The following MYLK variants were observed in gnomAD, a reference collection of about 807,000 sequenced individuals.
The protein encoded by MYLK is myosin light chain kinase.
In MYLK, 106 loss-of-function variants were observed where a neutral mutation model predicts 203.4. The ratio of observed to expected loss-of-function variants is 0.52; its 90% CI spans 0.45 to 0.61. MYLK has a LOEUF of 0.61. Among genes scored for constraint, MYLK ranks in the 20% least tolerant of loss-of-function variants. The pLI, the probability that MYLK is intolerant of heterozygous loss-of-function variation, is 0.00. For missense variants in MYLK, 2,072 were observed against 2,442.3 expected (o/e 0.85, Z 3.20); for synonymous variants, 867 against 959.5 (o/e 0.90, Z 1.78).
chr3:123,849,925 G>A (rs1017616513), intron 2 of MYLK, among the ~76,000 whole-genome samples: 1 of 152,126 alleles, frequency 6.6e-6, no homozygotes, highest in Non-Finnish European at 1.5e-5. Flanking sequence ...CCCAGTGTGT[G>A]ATGTTCCCCT....
intron 15 of MYLK, among the ~76,000 whole-genome samples, chr3:123,708,316 C>T (rs1395724467): frequency 6.6e-6 from 1 of 152,230 alleles, no homozygotes; most frequent in East Asian, 1.9e-4. Context: ...TTGTCACTCA[C>T]TTTATGTGTG....
intron 3 of MYLK, among the ~76,000 whole-genome samples, chr3:123,795,616 C>G (rs2064957839): frequency 6.6e-6 from 1 of 152,158 alleles, no homozygotes; most frequent in South Asian, 2.1e-4. Flanking sequence ...GGACTCCAGT[C>G]AAGGCCATTG....
At chr3:123,732,232 T>C (rs1290790125) in intron 11 of MYLK, among the ~76,000 whole-genome samples, 1 of 152,060 alleles carries the variant, frequency 6.6e-6, no homozygotes, top group Non-Finnish European at 1.5e-5. Flanking sequence ...TAGTGAAAAA[T>C]GGAAACAATT....
intron 9 of MYLK, chr3:123,735,083 C>T (rs1644589168): frequency 2.5e-6 from 1 of 401,098 alleles, no homozygotes; most frequent in South Asian, 2.2e-5. Flanking sequence ...AGATTCCGCC[C>T]TGGAATGAGG....
chr3:123,861,157 A>AAAAC (rs1560298465), intron 2 of MYLK, among the ~76,000 whole-genome samples: 19 of 151,706 alleles, frequency 1.3e-4, no homozygotes, highest in African/African-American at 4.1e-4. Context: ...CAAAAAAAAA[A>AAAAC]AACTGATTGG....
intron 30 of MYLK, among the ~76,000 whole-genome samples, chr3:123,627,483 T>C (rs1576354175): frequency 1.3e-5 from 2 of 152,378 alleles, no homozygotes; most frequent in South Asian, 2.1e-4. Flanking sequence ...CTATGAATTA[T>C]GACTACTTTA....
At chr3:123,792,508 T>A (rs773301488) in intron 4 of MYLK, among the ~76,000 whole-genome samples, 11 of 152,190 alleles carry the variant, frequency 7.2e-5, no homozygotes, top group Non-Finnish European at 1.3e-4. Context: ...ATATTCCTAT[T>A]CTGGACATTT....
At chr3:123,831,404 G>C (rs2066323053) in intron 3 of MYLK, 144 bp downstream of exon 3, 1 of 1,289,380 alleles carries the variant, frequency 7.8e-7, no homozygotes, top group South Asian at 1.2e-5. Flanking sequence ...ACCTGCTTGG[G>C]CAGCTGGCCA....
intron 4 of MYLK, among the ~76,000 whole-genome samples, chr3:123,762,229 C>CTT (rs554217014): frequency 1.3e-5 from 2 of 148,994 alleles, no homozygotes; most frequent in African/African-American, 4.9e-5. Flanking sequence ...AACTAATATT[C>CTT]TTTTTTTTTT....
intron 4 of MYLK, among the ~76,000 whole-genome samples, chr3:123,766,312 C>T (rs1394220008): frequency 1.3e-5 from 2 of 152,252 alleles, no homozygotes; most frequent in African/African-American, 4.8e-5. Flanking sequence ...ATTCCCCCTT[C>T]TCTGCCTCGT....
chr3:123,876,494 G>A (rs1164543329), intron 2 of MYLK, 65 bp downstream of exon 2: 1 of 152,136 alleles, frequency 6.6e-6, no homozygotes, highest in African/African-American at 2.4e-5. Flanking sequence ...AAAGTGATAC[G>A]AATCTTAGTG....
At chr3:123,702,466 A>C (rs750040625) in intron 16 of MYLK, among the ~76,000 whole-genome samples, 26 of 152,130 alleles carry the variant, frequency 1.7e-4, no homozygotes, top group Non-Finnish European at 2.9e-4. Context: ...GCCATGCCCA[A>C]TTTAAAGATA....
Position 123,713,143 on chromosome 3 carries a change from G to T in MYLK, c.1805-3250C>A, listed in dbSNP as rs531034818. Among the ~76,000 whole-genome samples, 11 of 152,306 alleles carry T rather than the reference G, an allele frequency of 7.2e-5. No homozygotes were observed. The South Asian group carries it at 8.3e-4, about 11-fold the overall frequency. On this transcript the variant is annotated intron_variant, in intron 13 of 33. Transcript: ENST00000360304. ...AAACCGGCCGATCGGCAGACATTTAGTTCGGTGTCACTCATTGCCCCCGGT... is the reference window on the plus strand; with the variant it reads ...AAACCGGCCGATCGGCAGACATTTATTTCGGTGTCACTCATTGCCCCCGGT...
chr3:123,847,411 T>C (rs1490502438), intron 2 of MYLK, among the ~76,000 whole-genome samples: 1 of 152,124 alleles, frequency 6.6e-6, no homozygotes, highest in Non-Finnish European at 1.5e-5. Flanking sequence ...ATTTTTCTTG[T>C]CCTATTGCAT....
Position 123,793,838 on chromosome 3 carries a change from C to A in MYLK, c.4G>T (p.Gly2Trp). Reference sequence around the variant, plus strand: ...GACGAGGCAACCAGCTTCACATCCCCCATGGTCTGCAAAAAGGAAGGAAGA... The same window carrying A: ...GACGAGGCAACCAGCTTCACATCCCACATGGTCTGCAAAAAGGAAGGAAGA... M[G>W]DVKLVASSHI... Residue 2 changes from glycine to tryptophan, a missense_variant, in exon 4 of 34, where the codon GGG (glycine) becomes TGG (tryptophan). Around this residue, in one of 3 missense-constraint regions of MYLK, gnomAD observed 683 missense variants for 643.8 expected, o/e 1.06. Transcript: ENST00000360304. 6.2e-7 allele frequency: 1 copy of A among 1,614,158 alleles called. No individual in the cohort carries two copies. Among genetic ancestry groups the A allele is most frequent in the South Asian group, 1.1e-5 (1 of 91,076 alleles).
intron 2 of MYLK, among the ~76,000 whole-genome samples, chr3:123,833,406 C>T (rs538812335): frequency 6.6e-6 from 1 of 152,150 alleles, no homozygotes; most frequent in Admixed American, 6.6e-5. Context: ...GTTCCTTAAC[C>T]TTGACCCCAC....
At chr3:123,774,799 T>C (rs2064008834) in intron 4 of MYLK, among the ~76,000 whole-genome samples, 1 of 152,180 alleles carries the variant, frequency 6.6e-6, no homozygotes, top group African/African-American at 2.4e-5. Flanking sequence ...GAATGCTTCT[T>C]TCCTATATTT....
At position 123,613,921 on chromosome 3, in the gene MYLK, T is replaced by C. The variant is rs1439843266; in HGVS notation, c.*184A>G. The C allele has an allele frequency of 3.0e-6, 2 of 673,138 alleles. No individual in the cohort carries two copies. The highest frequency in any genetic ancestry group is 5.1e-6 in the Non-Finnish European group (2 of 392,900). The allele number at this position is 673,138 out of a possible 1,614,324, so 41.7% of individuals were successfully genotyped here. On this transcript the variant is annotated 3_prime_UTR_variant, in exon 34 of 34. Coordinates refer to ENST00000360304, the MANE Select transcript of MYLK (RefSeq NM_053025.4). ...TCTTAAGGTGCCAACTAACATAGAT[T>C]AATGCCCATCAATAACGCTGCTAGG...
At chr3:123,723,304 CAA>C (rs2062159652) in intron 12 of MYLK, among the ~76,000 whole-genome samples, 1 of 152,184 alleles carries the variant, frequency 6.6e-6, no homozygotes, top group Admixed American at 6.5e-5. Context: ...GACAGTTTGG[CAA>C]AGAGACCAGC....
Sources: allele counts gnomAD v4.1 joint callset (sites outside exome capture counted in the v4.1 genomes callset), GRCh38; gene constraint gnomAD v4.1.1; regional missense constraint gnomAD v4.1.1; transcripts MANE v1.5; gene names NCBI Gene and HGNC (gene_info 2026-07-23, HGNC 2026-07-21).